Variants in ATP8B1 observed in about 807,000 individuals in gnomAD.
The protein encoded by ATP8B1 is ATPase phospholipid transporting 8B1.
ATP8B1 carries 80 observed loss-of-function variants against 149.9 expected under a neutral mutation model. The observed-to-expected ratio is 0.53, with a 90% CI of 0.45 to 0.64. The LOEUF is 0.64. ATP8B1 is among the 30% of genes least tolerant of loss of function. The probability of loss-of-function intolerance (pLI) is 0.00; values close to 1 mark genes in which losing one functional copy is unlikely to be tolerated. For synonymous variants in ATP8B1, 536 were observed against 562.8 expected (o/e 0.95, Z 0.67); for missense variants, 1,247 against 1,552.6 (o/e 0.80, Z 3.31).
intron 6 of ATP8B1, among the ~76,000 whole-genome samples, chr18:57,699,258 T>C (rs1912992563): frequency 1.3e-5 from 2 of 152,190 alleles, no homozygotes; most frequent in Non-Finnish European, 2.9e-5. Flanking sequence ...TTTAGATGGC[T>C]TTTTTTCCTT....
intron 6 of ATP8B1, among the ~76,000 whole-genome samples, chr18:57,699,593 G>A (rs1913011486): frequency 1.3e-5 from 2 of 152,076 alleles, no homozygotes; most frequent in South Asian, 2.1e-4. Context: ...GTGCAGTGGC[G>A]GGCGCCTGTA....
chr18:57,673,232 T>G (rs1911378360), intron 16 of ATP8B1, among the ~76,000 whole-genome samples: 1 of 151,682 alleles, frequency 6.6e-6, no homozygotes, highest in Admixed American at 6.6e-5. Flanking sequence ...GGATGAAAGA[T>G]CAAAAAGAGA....
At chr18:57,773,130 AGGC>A (rs2080277235) in intron 1 of ATP8B1, among the ~76,000 whole-genome samples, 1 of 148,528 alleles carries the variant, frequency 6.7e-6, no homozygotes, top group Non-Finnish European at 1.5e-5. Context: ...TTAACACAGG[AGGC>A]AGAGGACGCA....
intron 6 of ATP8B1, among the ~76,000 whole-genome samples, chr18:57,699,805 G>A (rs901529311): frequency 2.0e-5 from 3 of 152,114 alleles, no homozygotes; most frequent in East Asian, 1.9e-4. Flanking sequence ...CTCCTGCCTC[G>A]GCCTCCCAAA....
intron 1 of ATP8B1, among the ~76,000 whole-genome samples, chr18:57,796,680 G>A (rs1295632436): frequency 1.3e-5 from 2 of 152,036 alleles, no homozygotes; most frequent in African/African-American, 4.8e-5. Context: ...CTATGCTGTT[G>A]TTTGTTTGTT....
chr18:57,703,087 G>T (rs1305395637), intron 4 of ATP8B1, among the ~76,000 whole-genome samples: 1 of 152,052 alleles, frequency 6.6e-6, no homozygotes, highest in African/African-American at 2.4e-5. Flanking sequence ...TTTACTATCT[G>T]ACTTGAAGGT....
intron 1 of ATP8B1, among the ~76,000 whole-genome samples, chr18:57,795,277 T>C (rs2571224): frequency 0.55 from 83,461 of 151,438 alleles, 25,259 homozygotes; most frequent in African/African-American, 0.8. Flanking sequence ...GTGGTGAGTG[T>C]CTGTAGTCCC....
intron 1 of ATP8B1, among the ~76,000 whole-genome samples, chr18:57,770,348 C>T (rs753011531): frequency 1.7e-4 from 26 of 152,226 alleles, no homozygotes; most frequent in African/African-American, 4.6e-4. Context: ...TTTCACATTT[C>T]GGTTAGATGT....
intron 4 of ATP8B1, among the ~76,000 whole-genome samples, chr18:57,702,872 AAG>A (rs1208571083): frequency 1.4e-5 from 2 of 147,384 alleles, no homozygotes; most frequent in Admixed American, 6.7e-5. Flanking sequence ...AAAAAAAAAA[AAG>A]AGAGAGAGAA....
At chr18:57,703,815 C>T (rs1472237275) in intron 4 of ATP8B1, among the ~76,000 whole-genome samples, 1 of 151,864 alleles carries the variant, frequency 6.6e-6, no homozygotes, top group African/African-American at 2.4e-5. Flanking sequence ...AAACAGTTCA[C>T]AAAAATAACT....
rs75504937 is a variant in ATP8B1 at position 57,684,388 on chromosome 18, T to A, written c.1474-196A>T. 3.6e-4 allele frequency among the ~76,000 whole-genome samples: 54 copies of A among 151,626 alleles called. 1 individual carries two copies. In the East Asian group the frequency reaches 0.011, roughly 30 times the overall value. ...CCCCCTTTTTTTTTTTGGAAACATATATGACCATATATGGGTCTCACTCTG... is the reference window on the plus strand; with the variant it reads ...CCCCCTTTTTTTTTTTGGAAACATAAATGACCATATATGGGTCTCACTCTG... On this transcript the variant is annotated intron_variant, in intron 14 of 27. Coordinates refer to ENST00000648908, the MANE Select transcript of ATP8B1 (RefSeq NM_001374385.1).
At chr18:57,719,135 G>C (rs976890535) in intron 2 of ATP8B1, among the ~76,000 whole-genome samples, 23 of 152,264 alleles carry the variant, frequency 1.5e-4, no homozygotes, top group African/African-American at 5.5e-4. Flanking sequence ...TATCAGAACT[G>C]GTAAACAAAT....
Position 57,704,631 on chromosome 18 carries a change from G to A in ATP8B1, c.317C>T (p.Thr106Ile). ...AIKTYKYNAF[T>I]FIPMNLFEQF... ...CTCAAACAGATTCATTGGTATAAAG[G>A]TAAATGCGTTGTACTTGTATGTTTT... Residue 106 changes from threonine (T) to isoleucine (I), a missense_variant, in exon 4 of 28, where the codon ACC becomes ATC. Thr to Ile is a moderately conservative substitution (Grantham distance 89). Coordinates refer to ENST00000648908, the MANE Select transcript of ATP8B1 (RefSeq NM_001374385.1). 1 of 1,610,852 alleles carries A rather than the reference G, an allele frequency of 6.2e-7. No individual in the cohort carries two copies. The highest frequency in any genetic ancestry group is 8.5e-7 in the Non-Finnish European group (1 of 1,177,044).
chr18:57,759,698 C>T (rs1386667616), intron 1 of ATP8B1, among the ~76,000 whole-genome samples: 3 of 151,782 alleles, frequency 2.0e-5, no homozygotes, highest in Admixed American at 6.6e-5. Flanking sequence ...CCTGTAGTCC[C>T]AGCTACTCTA....
At chr18:57,704,727 A>C in intron 3 of ATP8B1, 59 bp from the exon 4 acceptor site, 1 of 1,086,494 alleles carries the variant, frequency 9.2e-7, no homozygotes, top group Non-Finnish European at 1.4e-6. Context: ...ATGTATACAC[A>C]TCTGCAAAAG....
chr18:57,677,080 T>C (rs1424132199), intron 15 of ATP8B1, among the ~76,000 whole-genome samples: 1 of 152,122 alleles, frequency 6.6e-6, no homozygotes, highest in Non-Finnish European at 1.5e-5. Flanking sequence ...AAAGAGTACA[T>C]ATGCTACATG....
rs558564282 is a variant in ATP8B1, at chr18:57,683,198, T to C, written c.1630+838A>G. Among the ~76,000 whole-genome samples the C allele has an allele frequency of 2.6e-5, 4 of 152,142 alleles. No individual in the cohort carries two copies. The South Asian group carries it at 8.3e-4, about 32-fold the overall frequency. ...ACCTGCTACATATGAAACATTAAGGTTGAGAAAAGAGAGGGACTTATGTAT... is the reference window on the plus strand; with the variant it reads ...ACCTGCTACATATGAAACATTAAGGCTGAGAAAAGAGAGGGACTTATGTAT... On this transcript the variant is annotated intron_variant, in intron 15 of 27. Transcript: ENST00000648908.
Position 57,690,607 on chromosome 18 carries a change from T to C in ATP8B1, c.1220+1200A>G, listed in dbSNP as rs80049147. ...TCAACTCGGTTTTTCTCAAAGTAGC[T>C]GTGGAACAGATGGCTGCCCCAGGGC... is the stretch of plus-strand genomic sequence containing the variant. On this transcript the variant is annotated intron_variant, in intron 12 of 27. Transcript: ENST00000648908. Among the ~76,000 whole-genome samples, 1,232 of 152,348 alleles carry C rather than the reference T, an allele frequency of 8.1e-3. 16 individuals carry two copies. The highest frequency in any genetic ancestry group is 0.037 in the Admixed American group (573 of 15,302).
intron 1 of ATP8B1, among the ~76,000 whole-genome samples, chr18:57,800,796 C>T (rs988208668): frequency 2.0e-5 from 3 of 152,106 alleles, no homozygotes; most frequent in Non-Finnish European, 4.4e-5. Context: ...GAACTGAAAT[C>T]TGTGGGCATT....
Sources: gnomAD v4.1 joint callset for allele counts (sites outside exome capture counted in the v4.1 genomes callset) on GRCh38, gnomAD v4.1.1 for gene constraint, MANE v1.5 for transcripts, NCBI Gene and HGNC (gene_info 2026-07-23, HGNC 2026-07-21) for gene names.